Variants in UGT1A8 observed in about 807,000 individuals in gnomAD.
UGT1A8 encodes the protein UDP glucuronosyltransferase family 1 member A8.
In UGT1A8, 39 loss-of-function variants were observed where a neutral mutation model predicts 45.3. The observed-to-expected ratio is 0.86, with a 90% CI of 0.67 to 1.12. The LOEUF (loss-of-function observed/expected upper bound fraction) is 1.12. Ranked by LOEUF, UGT1A8 falls within the 50% of genes most tolerant of loss-of-function variation. The pLI, the probability that UGT1A8 is intolerant of heterozygous loss-of-function variation, is 0.00. For synonymous variants in UGT1A8, 275 were observed against 249.2 expected (o/e 1.10, Z -0.97); for missense variants, 719 against 664.9 (o/e 1.08, Z -0.90).
At chr2:233,632,296 T>G (rs1247316034) in intron 1 of UGT1A8, among the ~76,000 whole-genome samples, 1 of 152,216 alleles carries the variant, frequency 6.6e-6, no homozygotes, top group African/African-American at 2.4e-5. Context: ...TCTTTTTGCT[T>G]AGGATTGTCT....
intron 1 of UGT1A8, among the ~76,000 whole-genome samples, chr2:233,665,956 C>T (rs560261782): frequency 6.6e-6 from 1 of 152,224 alleles, no homozygotes; most frequent in South Asian, 2.1e-4. Context: ...TGTCTTAGTC[C>T]GTTTGCATTG....
At chr2:233,703,314 T>C (rs1197149723) in intron 1 of UGT1A8, among the ~76,000 whole-genome samples, 1 of 147,298 alleles carries the variant, frequency 6.8e-6, no homozygotes, top group Non-Finnish European at 1.5e-5. Flanking sequence ...TTTCATATTT[T>C]TAGCAATTTT....
chr2:233,758,555 A>G (rs1183009321), intron 1 of UGT1A8, among the ~76,000 whole-genome samples: 1 of 152,170 alleles, frequency 6.6e-6, no homozygotes, highest in African/African-American at 2.4e-5. Context: ...CTTGCCCAGA[A>G]TCTTGGTCCT....
chr2:233,643,343 C>A (rs954204583), intron 1 of UGT1A8, among the ~76,000 whole-genome samples: 8 of 152,100 alleles, frequency 5.3e-5, no homozygotes, highest in Non-Finnish European at 1.0e-4. Flanking sequence ...CCACCCCTGG[C>A]CATGGACAGT....
intron 1 of UGT1A8, among the ~76,000 whole-genome samples, chr2:233,651,512 TTA>T (rs2073741077): frequency 6.6e-6 from 1 of 152,224 alleles, no homozygotes; most frequent in Non-Finnish European, 1.5e-5. Flanking sequence ...TTGCATATCT[TTA>T]TGAATTATAA....
intron 1 of UGT1A8, among the ~76,000 whole-genome samples, chr2:233,657,087 G>A (rs2073871669): frequency 6.6e-6 from 1 of 152,078 alleles, no homozygotes; most frequent in Non-Finnish European, 1.5e-5. Flanking sequence ...CCCTAAGAAT[G>A]TGATACCCAA....
In UGT1A8 at chr2:233,637,135, G is replaced by C. The variant is rs1478571752; in HGVS notation, c.855+18573G>C. 2 of 1,613,802 alleles carry C rather than the reference G, an allele frequency of 1.2e-6. No homozygotes were observed. The highest frequency in any genetic ancestry group is 1.7e-5 in the Admixed American group (1 of 59,988). On this transcript the variant is annotated intron_variant, in intron 1 of 4. Coordinates refer to ENST00000373450, the MANE Select transcript of UGT1A8 (RefSeq NM_019076.5). ...GTTCTCAGATGCCATGACTTTCAAG[G>C]AGAGAGTATGGAACCACATCGTGCA...
rs541889262 is a variant in UGT1A8 at position 233,732,819 on chromosome 2, A to T, written c.856-34215A>T. 7.3e-4 allele frequency among the ~76,000 whole-genome samples: 110 copies of T among 150,442 alleles called. 1 individual carries two copies. The highest frequency in any genetic ancestry group is 2.7e-3 in the African/African-American group (109 of 40,796). On this transcript the variant is annotated intron_variant, in intron 1 of 4. Coordinates refer to ENST00000373450, the MANE Select transcript of UGT1A8 (RefSeq NM_019076.5). The stretch of plus-strand genomic sequence containing the variant: ...CAGGCTCTTTTTTGATTCCATATGA[A>T]CTTTAAAGTAGTTTTTTCCAATTTT...
chr2:233,735,495 A>G (rs1383216559), intron 1 of UGT1A8, among the ~76,000 whole-genome samples: 1 of 152,188 alleles, frequency 6.6e-6, no homozygotes, highest in Non-Finnish European at 1.5e-5. Context: ...TAATTGCAGC[A>G]TTTAGCCCAT....
intron 1 of UGT1A8, among the ~76,000 whole-genome samples, chr2:233,733,397 G>C (rs1438211185): frequency 1.3e-5 from 2 of 152,194 alleles, no homozygotes; most frequent in Non-Finnish European, 2.9e-5. Flanking sequence ...AGTTTTCAAA[G>C]GGAATGCTTC....
At chr2:233,754,752 G>A in intron 1 of UGT1A8, 4 of 831,436 alleles carry the variant, frequency 4.8e-6, no homozygotes, top group Non-Finnish European at 7.2e-6. Context: ...GCAGAAGGAA[G>A]AAAGGCCCCC....
chr2:233,659,912 G>T (rs541684583), intron 1 of UGT1A8, among the ~76,000 whole-genome samples: 1 of 152,158 alleles, frequency 6.6e-6, no homozygotes. Flanking sequence ...TCATTGTCTG[G>T]TACTGATTCA....
At chr2:233,694,638 TTTCCAG>T (rs1240951817) in intron 1 of UGT1A8, among the ~76,000 whole-genome samples, 1 of 152,224 alleles carries the variant, frequency 6.6e-6, no homozygotes, top group Admixed American at 6.5e-5. Flanking sequence ...TCAATTTTCT[TTTCCAG>T]TTCCTTTTTT....
chr2:233,627,624 TCTTCCTTCCTTCCTTCCTTC>T (rs4047191), intron 1 of UGT1A8, among the ~76,000 whole-genome samples: 287 of 112,020 alleles, frequency 2.6e-3, no homozygotes, highest in African/African-American at 8.3e-3. Context: ...TTCCTTCCTT[TCTTCCTTCCTTCCTTCCTTC>T]CTTCCTTCCT....
intron 1 of UGT1A8, chr2:233,741,903 G>C (rs984668185): frequency 2.0e-5 from 3 of 151,860 alleles, no homozygotes; most frequent in Non-Finnish European, 4.4e-5. Context: ...GACCCTTTGT[G>C]ATGGAAAAGG....
chr2:233,686,048 A>G (rs1575435852), intron 1 of UGT1A8, among the ~76,000 whole-genome samples: 1 of 152,318 alleles, frequency 6.6e-6, no homozygotes, highest in Non-Finnish European at 1.5e-5. Context: ...AATGGCAAAG[A>G]ATAGTGTCTT....
intron 1 of UGT1A8, among the ~76,000 whole-genome samples, chr2:233,735,187 T>C (rs1397498111): frequency 6.8e-6 from 1 of 147,662 alleles, no homozygotes; most frequent in African/African-American, 2.5e-5. Flanking sequence ...GCTTTATGAA[T>C]CTAGGTGCTC....
intron 1 of UGT1A8, among the ~76,000 whole-genome samples, chr2:233,716,096 A>G (rs1349489999): frequency 6.6e-6 from 1 of 152,160 alleles, no homozygotes; most frequent in African/African-American, 2.4e-5. Context: ...CATTCCTTTA[A>G]CAGAAATTTA....
chr2:233,648,345 A>G (rs962698374), intron 1 of UGT1A8: 6 of 452,960 alleles, frequency 1.3e-5, no homozygotes, highest in African/African-American at 1.0e-4. Context: ...TCGCCAGAGG[A>G]ATACTTTGAC....
Sources: allele counts gnomAD v4.1 joint callset (sites outside exome capture counted in the v4.1 genomes callset), GRCh38; gene constraint gnomAD v4.1.1; transcripts MANE v1.5; gene names NCBI Gene and HGNC (gene_info 2026-07-23, HGNC 2026-07-21).